SIPA1L3: variants seen among roughly 807,000 people sequenced by gnomAD.
SIPA1L3 encodes the protein signal induced proliferation associated 1 like 3, also known as signal-induced proliferation-associated 1-like protein 3.
In SIPA1L3, 59 loss-of-function variants were observed where a neutral mutation model predicts 150.1. The ratio of observed to expected loss-of-function variants is 0.39; its 90% CI spans 0.32 to 0.49. The LOEUF (loss-of-function observed/expected upper bound fraction) is 0.49, where lower values mean the gene tolerates loss of function less well. SIPA1L3 is among the 20% of genes least tolerant of loss of function. The probability of loss-of-function intolerance (pLI) is 0.86; values close to 1 mark genes in which losing one functional copy is unlikely to be tolerated. For missense variants in SIPA1L3, 2,211 were observed against 2,489.5 expected (o/e 0.89, Z 2.38); for synonymous variants, 1,070 against 1,077.6 (o/e 0.99, Z 0.14).
intron 3 of SIPA1L3, among the ~76,000 whole-genome samples, chr19:38,084,341 G>C (rs1478682883): frequency 6.6e-6 from 1 of 152,118 alleles, no homozygotes; most frequent in Non-Finnish European, 1.5e-5. Context: ...ATAGCCTACT[G>C]CTCAAGGACA....
At position 38,045,051 on chromosome 19, in the gene SIPA1L3, C is replaced by T. The variant is rs527485266; in HGVS notation, c.-311+15895C>T. On this transcript the variant is annotated intron_variant, in intron 2 of 21. Transcript: ENST00000222345. Reference sequence around the variant, plus strand: ...CCTATCATTACCATTATTCTGGCTTCATGGCCCTCACCACCTAGTGGGGGA... The same window carrying T: ...CCTATCATTACCATTATTCTGGCTTTATGGCCCTCACCACCTAGTGGGGGA... 7.9e-5 allele frequency among the ~76,000 whole-genome samples: 12 copies of T among 152,278 alleles called. No individual in the cohort carries two copies. In the South Asian group the frequency reaches 2.3e-3, roughly 29 times the overall value.
At chr19:37,938,033 C>T (rs944984494) in intron 1 of SIPA1L3, among the ~76,000 whole-genome samples, 5 of 151,892 alleles carry the variant, frequency 3.3e-5, no homozygotes, top group African/African-American at 1.2e-4. Flanking sequence ...GGCGACAGAG[C>T]AAGACTCCAC....
At chr19:38,000,900 A>ATATATATGTTATATATATATATATGT (rs1555775638) in intron 1 of SIPA1L3, among the ~76,000 whole-genome samples, 5 of 131,410 alleles carry the variant, frequency 3.8e-5, no homozygotes, top group South Asian at 2.3e-4. Context: ...TATGTTATAT[A>ATATATATGTTATATATATATATATGT]TATATATATA....
chr19:38,105,548 GA>G (rs1970603699), intron 6 of SIPA1L3, among the ~76,000 whole-genome samples: 1 of 152,152 alleles, frequency 6.6e-6, no homozygotes, highest in Non-Finnish European at 1.5e-5. Flanking sequence ...CTATTAGAGA[GA>G]ACTCATATCC....
At chr19:37,959,946 A>G (rs760763845) in intron 1 of SIPA1L3, among the ~76,000 whole-genome samples, 5 of 149,692 alleles carry the variant, frequency 3.3e-5, no homozygotes, top group Non-Finnish European at 5.9e-5. Flanking sequence ...ATATAGTTTC[A>G]TTTTCTTTTC....
chr19:37,955,683 C>G (rs928400771), intron 1 of SIPA1L3, among the ~76,000 whole-genome samples: 1 of 152,190 alleles, frequency 6.6e-6, no homozygotes, highest in Admixed American at 6.5e-5. Flanking sequence ...TGCGCTTCCT[C>G]CAGGTGATAG....
intron 1 of SIPA1L3, among the ~76,000 whole-genome samples, chr19:37,925,591 T>C (rs1303554653): frequency 1.4e-5 from 1 of 73,196 alleles, no homozygotes; most frequent in Non-Finnish European, 3.7e-5. Flanking sequence ...GATTTATTAC[T>C]TTTTTTTTTT....
intron 2 of SIPA1L3, among the ~76,000 whole-genome samples, chr19:38,074,213 G>A (rs1277490733): frequency 1.3e-5 from 2 of 152,232 alleles, no homozygotes; most frequent in East Asian, 1.9e-4. Flanking sequence ...AGGAAGACTC[G>A]ACTGCAGCTG....
chr19:37,936,874 C>A (rs1161021298), intron 1 of SIPA1L3, among the ~76,000 whole-genome samples: 2 of 152,232 alleles, frequency 1.3e-5, no homozygotes, highest in African/African-American at 4.8e-5. Flanking sequence ...ACTACTCCAT[C>A]CCCTCCACTC....
At chr19:38,144,635 TTTC>T (rs1293795862) in intron 12 of SIPA1L3, among the ~76,000 whole-genome samples, 2 of 152,240 alleles carry the variant, frequency 1.3e-5, no homozygotes, top group African/African-American at 2.4e-5. Flanking sequence ...ACGCCCACTG[TTTC>T]TTCTTCTAGT....
intron 1 of SIPA1L3, among the ~76,000 whole-genome samples, chr19:37,972,214 C>A (rs1966960160): frequency 7.6e-6 from 1 of 131,054 alleles, no homozygotes; most frequent in African/African-American, 3.1e-5. Context: ...TGTCATGGGC[C>A]CTTTGACATC....
At chr19:38,178,092 T>G (rs6508766) in intron 15 of SIPA1L3, among the ~76,000 whole-genome samples, 1,093 of 20,388 alleles carry the variant, frequency 0.054, 23 homozygotes, top group African/African-American at 0.17. Context: ...TTTTGGTGTG[T>G]GTGTGTGTGT....
Position 38,046,494 on chromosome 19 carries a change from C to T in SIPA1L3, c.-311+17338C>T, listed in dbSNP as rs1241556082. Among the ~76,000 whole-genome samples the T allele has an allele frequency of 1.3e-5, 2 of 152,180 alleles. No homozygotes were observed. Among genetic ancestry groups the T allele is most frequent in the African/African-American group, 4.8e-5 (2 of 41,432 alleles). On this transcript the variant is annotated intron_variant, in intron 2 of 21. Transcript: ENST00000222345. The surrounding 1 kb of genome is among the most constrained non-coding windows in gnomAD (Gnocchi z 5.6). ...GCTTCTCTCGGTTCCCTGTTCTGGGCCCTGCCCTGGAAAGAGGCAGGGTGG... is the reference window on the plus strand; with the variant it reads ...GCTTCTCTCGGTTCCCTGTTCTGGGTCCTGCCCTGGAAAGAGGCAGGGTGG...
intron 2 of SIPA1L3, among the ~76,000 whole-genome samples, chr19:38,037,274 ACG>A (rs1162045918): frequency 6.8e-6 from 1 of 146,134 alleles, no homozygotes; most frequent in Non-Finnish European, 1.5e-5. Context: ...AGGTCAGGGA[ACG>A]TCTGTCATAA....
intron 1 of SIPA1L3, among the ~76,000 whole-genome samples, chr19:37,927,100 C>T (rs891223075): frequency 2.7e-5 from 4 of 150,582 alleles, no homozygotes; most frequent in African/African-American, 9.8e-5. Flanking sequence ...CAGATCCTGT[C>T]ACTCAAATAG....
chr19:38,129,348 G>A (rs1336181882), intron 9 of SIPA1L3, among the ~76,000 whole-genome samples: 7 of 152,118 alleles, frequency 4.6e-5, no homozygotes, highest in Non-Finnish European at 7.4e-5. Flanking sequence ...TCACGAGGCC[G>A]GGCATGGTGG....
intron 1 of SIPA1L3, among the ~76,000 whole-genome samples, chr19:37,988,899 A>C (rs28470392): frequency 1.3e-4 from 20 of 152,092 alleles, no homozygotes; most frequent in African/African-American, 4.8e-4. Flanking sequence ...CACTCCACAC[A>C]GTCCTCTGGC....
rs537193724 is a variant in SIPA1L3, at chr19:37,911,933, G to T, written c.-379+4575G>T. Among the ~76,000 whole-genome samples the T allele has an allele frequency of 3.3e-5, 5 of 152,058 alleles. No homozygotes were observed. The South Asian group carries it at 1.0e-3, about 32-fold the overall frequency. ...AAAAATACAAAAAAATTAGCCAGGC[G>T]TGGTGGCCGGTGCCTGTAGTCCCAG... On this transcript the variant is annotated intron_variant, in intron 1 of 21. Transcript: ENST00000222345.
At chr19:38,064,462 C>T (rs1162835904) in intron 2 of SIPA1L3, among the ~76,000 whole-genome samples, 5 of 152,202 alleles carry the variant, frequency 3.3e-5, no homozygotes, top group African/African-American at 7.2e-5. Context: ...TTTGGGAGGC[C>T]GAGGCGGGCA....
Sources: allele counts gnomAD v4.1 joint callset (sites outside exome capture counted in the v4.1 genomes callset), GRCh38; gene constraint gnomAD v4.1.1; non-coding constraint Gnocchi (gnomAD v3.1); transcripts MANE v1.5; gene names NCBI Gene and HGNC (gene_info 2026-07-23, HGNC 2026-07-21).